The following AVEN variants were observed in gnomAD, a reference collection of about 807,000 sequenced individuals.
AVEN encodes the protein apoptosis and caspase activation inhibitor, also known as cell death regulator Aven.
A neutral mutation model predicts 38.1 loss-of-function variants in AVEN; 41 were observed. That is an observed-to-expected ratio of 1.08 (90% confidence interval 0.84 to 1.40). The LOEUF (loss-of-function observed/expected upper bound fraction) is 1.40, where lower values mean the gene tolerates loss of function less well. Ranked by LOEUF, AVEN falls within the 40% of genes most tolerant of loss-of-function variation. The pLI is 0.00. For missense variants in AVEN, 605 were observed against 438.8 expected (o/e 1.38, Z -3.38); for synonymous variants, 206 against 171.8 (o/e 1.20, Z -1.56).
chr15:34,048,247 C>T (rs972778758), intron 5 of AVEN, among the ~76,000 whole-genome samples: 2 of 152,238 alleles, frequency 1.3e-5, no homozygotes, highest in African/African-American at 4.8e-5. Context: ...GGAGCTTCAA[C>T]CACTCCAGCC....
At position 33,870,955 on chromosome 15, in the gene AVEN, C is replaced by T. The variant is rs147683301; in HGVS notation, c.592G>A (p.Val198Ile). ...TTTACCTGGACCAGTTCGGCAGCAA[C>T]GTTGAGTCGGAGGCAGAGAGGCAGC... ...QELPLCLRLNVAAELVQGTVP... is the reference protein window; with the variant it reads ...QELPLCLRLNIAAELVQGTVP... The change falls in exon 4 of 6, where the codon GTT (valine) becomes ATT (isoleucine). Residue 198 changes from valine to isoleucine, a missense_variant. Coordinates refer to ENST00000306730, the MANE Select transcript of AVEN (RefSeq NM_020371.3). The T allele has an allele frequency of 6.2e-6, 10 of 1,611,030 alleles. No individual in the cohort carries two copies. The highest frequency in any genetic ancestry group is 3.3e-5 in the Admixed American group (2 of 59,852).
intron 1 of AVEN, among the ~76,000 whole-genome samples, chr15:34,011,250 C>A (rs114739507): frequency 1.6e-3 from 238 of 151,980 alleles, no homozygotes; most frequent in African/African-American, 5.5e-3. Context: ...GGGGGAACTA[C>A]GCTAGCAAAA....
intron 2 of AVEN, among the ~76,000 whole-genome samples, chr15:33,895,008 T>C (rs907930533): frequency 6.6e-6 from 1 of 151,792 alleles, no homozygotes; most frequent in Non-Finnish European, 1.5e-5. Flanking sequence ...ACCGATTCTA[T>C]AGCATAGCAA....
At chr15:33,932,779 C>T (rs887779447) in intron 2 of AVEN, among the ~76,000 whole-genome samples, 4 of 151,838 alleles carry the variant, frequency 2.6e-5, no homozygotes, top group African/African-American at 9.7e-5. Flanking sequence ...GAGCCGAGAT[C>T]GTGCCATTGC....
At chr15:33,964,564 T>C (rs1277944944) in intron 2 of AVEN, among the ~76,000 whole-genome samples, 1 of 152,070 alleles carries the variant, frequency 6.6e-6, no homozygotes, top group Non-Finnish European at 1.5e-5. Flanking sequence ...ACAGCAACTG[T>C]TTCCTAATAA....
intron 1 of AVEN, among the ~76,000 whole-genome samples, chr15:34,036,843 C>A (rs1423732232): frequency 6.8e-6 from 1 of 147,490 alleles, no homozygotes; most frequent in African/African-American, 2.4e-5. Context: ...GTGGGTCACA[C>A]CTGTAATCCA....
At chr15:33,906,271 C>T (rs1892696727) in intron 2 of AVEN, among the ~76,000 whole-genome samples, 1 of 152,186 alleles carries the variant, frequency 6.6e-6, no homozygotes, top group African/African-American at 2.4e-5. Context: ...ACAAGCCCTC[C>T]ATACCAGTGT....
chr15:33,931,349 C>CTTTTTTTTTTTTTTTTT (rs71119903), intron 2 of AVEN, among the ~76,000 whole-genome samples: 3 of 89,296 alleles, frequency 3.4e-5, no homozygotes, highest in African/African-American at 1.0e-4. Context: ...TGAATATTTT[C>CTTTTTTTTTTTTTTTTT]TTTTTTTTTT....
intron 2 of AVEN, among the ~76,000 whole-genome samples, chr15:33,958,928 T>A (rs531916788): frequency 6.6e-6 from 1 of 152,176 alleles, no homozygotes; most frequent in African/African-American, 2.4e-5. Context: ...CACTCCATAG[T>A]GGGGCACCAA....
At chr15:33,925,490 T>C (rs557889769) in intron 2 of AVEN, among the ~76,000 whole-genome samples, 14 of 152,316 alleles carry the variant, frequency 9.2e-5, no homozygotes, top group Admixed American at 6.5e-5. Context: ...TCCCTGGTGC[T>C]CCAGTCACTG....
At chr15:33,908,245 A>G (rs1475466399) in intron 2 of AVEN, among the ~76,000 whole-genome samples, 1 of 106,112 alleles carries the variant, frequency 9.4e-6, no homozygotes, top group African/African-American at 2.7e-5. Flanking sequence ...ATTACACATA[A>G]CCAGGATTCT....
chr15:33,899,926 T>C (rs1047794442), intron 2 of AVEN, among the ~76,000 whole-genome samples: 19 of 147,860 alleles, frequency 1.3e-4, no homozygotes, highest in African/African-American at 3.7e-4. Context: ...GATCCTCAAA[T>C]CACAGTTCAG....
intron 2 of AVEN, among the ~76,000 whole-genome samples, chr15:33,983,974 C>T (rs1423124392): frequency 6.7e-6 from 1 of 150,106 alleles, no homozygotes; most frequent in African/African-American, 2.4e-5. Flanking sequence ...GGACATTCTA[C>T]AATATGGTCT....
At chr15:33,910,988 G>A (rs774387077) in intron 2 of AVEN, among the ~76,000 whole-genome samples, 3 of 152,174 alleles carry the variant, frequency 2.0e-5, no homozygotes, top group East Asian at 3.8e-4. Context: ...TTAAACCGAT[G>A]AATCATTGTG....
At chr15:33,860,464 T>A in intron 11 of AVEN, 1 of 544,436 alleles carries the variant, frequency 1.8e-6, no homozygotes, top group South Asian at 3.3e-5. Context: ...GAAACACGAG[T>A]ATTATTTTTC....
intron 2 of AVEN, among the ~76,000 whole-genome samples, chr15:33,937,488 A>C (rs369392279): frequency 1.3e-5 from 2 of 149,628 alleles, no homozygotes; most frequent in East Asian, 2.0e-4. Context: ...AGCCGAGATC[A>C]CGCCACTGCA....
chr15:33,910,888 T>C (rs149112893), intron 2 of AVEN, among the ~76,000 whole-genome samples: 11 of 152,290 alleles, frequency 7.2e-5, no homozygotes, highest in African/African-American at 2.6e-4. Flanking sequence ...ATTCATCCAT[T>C]TTCCCATATA....
At chr15:33,965,001 G>A (rs529057045) in intron 2 of AVEN, among the ~76,000 whole-genome samples, 24 of 152,172 alleles carry the variant, frequency 1.6e-4, no homozygotes, top group African/African-American at 5.8e-4. Flanking sequence ...CTTAATAACA[G>A]GGTAAACTTG....
chr15:33,905,834 A>G (rs988033666), intron 2 of AVEN, among the ~76,000 whole-genome samples: 1 of 151,960 alleles, frequency 6.6e-6, no homozygotes, highest in Non-Finnish European at 1.5e-5. Context: ...AAGAAAAAAA[A>G]AAAAAAAAAG....
Sources: allele counts gnomAD v4.1 joint callset (sites outside exome capture counted in the v4.1 genomes callset), GRCh38; gene constraint gnomAD v4.1.1; transcripts MANE v1.5; gene names NCBI Gene and HGNC (gene_info 2026-07-23, HGNC 2026-07-21).